Variants in ARMC2 observed in about 807,000 individuals in gnomAD.
The protein encoded by ARMC2 is armadillo repeat containing 2, also known as armadillo repeat-containing protein 2.
ARMC2 carries 67 observed loss-of-function variants against 90.3 expected under a neutral mutation model. That is an observed-to-expected ratio of 0.74 (90% CI 0.61 to 0.91). The LOEUF is 0.91. Ranked by LOEUF, ARMC2 falls within the 40% of genes least tolerant of loss-of-function variation. ARMC2 has a pLI of 0.00. For synonymous variants in ARMC2, 393 were observed against 393.0 expected (o/e 1.00, Z 0.00); for missense variants, 920 against 1,030.9 (o/e 0.89, Z 1.47).
chr6:108,993,150 T>C, the ARMC2 span: 1 of 361,746 alleles, frequency 2.8e-6, no homozygotes, highest in Non-Finnish European at 4.9e-6. Flanking sequence ...TCATAGATCC[T>C]TTCTCTCTCC....
chr6:108,886,893 TG>T (rs1240418753), intron 5 of ARMC2, among the ~76,000 whole-genome samples: 5 of 145,922 alleles, frequency 3.4e-5, no homozygotes, highest in Admixed American at 2.1e-4. Flanking sequence ...GTTTTTTTTT[TG>T]TTTGTTTGTT....
intron 4 of ARMC2, among the ~76,000 whole-genome samples, chr6:108,869,957 GAC>G (rs1265280131): frequency 6.6e-6 from 1 of 152,208 alleles, no homozygotes; most frequent in African/African-American, 2.4e-5. Flanking sequence ...CAGAATACAT[GAC>G]ACACGATAGG....
the ARMC2 span, among the ~76,000 whole-genome samples, chr6:109,039,182 AAAG>A: frequency 2.6e-5 from 4 of 152,024 alleles, no homozygotes; most frequent in East Asian, 5.8e-4. Flanking sequence ...GAAGAAGAAG[AAAG>A]AAGAGGCTCT....
the ARMC2 span, among the ~76,000 whole-genome samples, chr6:109,033,562 C>A: frequency 6.6e-6 from 1 of 152,126 alleles, no homozygotes; most frequent in African/African-American, 2.4e-5. Context: ...TAAGGTAGCA[C>A]AATTAATTAG....
the ARMC2 span, among the ~76,000 whole-genome samples, chr6:109,027,863 C>CAT: frequency 2.7e-4 from 41 of 151,938 alleles, no homozygotes; most frequent in East Asian, 1.2e-3. Flanking sequence ...CATTTAAATA[C>CAT]ATATATATAT....
chr6:108,985,740 A>G, the ARMC2 span, among the ~76,000 whole-genome samples: 2 of 152,192 alleles, frequency 1.3e-5, no homozygotes, highest in East Asian at 1.9e-4. Flanking sequence ...CAGAAATGGG[A>G]TAAGTAAAAT....
the ARMC2 span, among the ~76,000 whole-genome samples, chr6:109,011,969 A>C: frequency 6.6e-6 from 1 of 152,202 alleles, no homozygotes; most frequent in South Asian, 2.1e-4. Flanking sequence ...CATTGTGCAG[A>C]TTTAACTTTT....
Position 108,876,017 on chromosome 6 carries a change from G to C in ARMC2, c.464-126G>C, listed in dbSNP as rs918684707. 1.3e-5 allele frequency: 11 copies of C among 872,190 alleles called. No homozygotes were observed. In the East Asian group the frequency reaches 3.0e-4, roughly 24 times the overall value. 54.0% of individuals were successfully genotyped at this position (872,190 alleles called of 1,614,324 possible). A position where few individuals can be genotyped will look rare whatever the true frequency, so the allele number is the denominator to read the frequency against. Reference sequence around the variant, plus strand: ...GAAAGGCTTTGGCCATAAAATTCCAGACTTAATTATAAGCAATGTATAACT... The same window carrying C: ...GAAAGGCTTTGGCCATAAAATTCCACACTTAATTATAAGCAATGTATAACT... On this transcript the variant is annotated intron_variant, in intron 4 of 17. Coordinates refer to ENST00000392644, the MANE Select transcript of ARMC2 (RefSeq NM_032131.6).
At chr6:108,854,927 A>G (rs1325538693) in intron 2 of ARMC2, among the ~76,000 whole-genome samples, 2 of 152,156 alleles carry the variant, frequency 1.3e-5, no homozygotes, top group Non-Finnish European at 2.9e-5. Flanking sequence ...GCAACCACTG[A>G]TCTTTTTACT....
chr6:108,924,369 T>C (rs1583134618), intron 10 of ARMC2, among the ~76,000 whole-genome samples: 1 of 151,918 alleles, frequency 6.6e-6, no homozygotes, highest in East Asian at 1.9e-4. Context: ...AATACAAAAA[T>C]TAGCAGGGTG....
At chr6:108,918,705 C>T (rs1774246196) in intron 10 of ARMC2, among the ~76,000 whole-genome samples, 1 of 152,142 alleles carries the variant, frequency 6.6e-6, no homozygotes, top group Admixed American at 6.5e-5. Context: ...GACACTGAGC[C>T]CACTTTACCC....
At chr6:108,873,949 T>C (rs979458407) in intron 4 of ARMC2, among the ~76,000 whole-genome samples, 1 of 152,222 alleles carries the variant, frequency 6.6e-6, no homozygotes, top group Non-Finnish European at 1.5e-5. Flanking sequence ...TGTTTTTCTC[T>C]GTTTGTTGCC....
chr6:108,886,367 G>A (rs896495141), intron 5 of ARMC2, among the ~76,000 whole-genome samples: 4 of 152,210 alleles, frequency 2.6e-5, no homozygotes, highest in Non-Finnish European at 4.4e-5. Flanking sequence ...AGACCCGCTT[G>A]TCCAACATGG....
At chr6:108,914,406 C>G (rs1227236482) in intron 10 of ARMC2, among the ~76,000 whole-genome samples, 1 of 152,084 alleles carries the variant, frequency 6.6e-6, no homozygotes, top group Non-Finnish European at 1.5e-5. Flanking sequence ...TGTGTCCCCC[C>G]ACCTCTAGGG....
chr6:108,867,888 C>G (rs988266222), intron 3 of ARMC2, among the ~76,000 whole-genome samples: 1 of 151,992 alleles, frequency 6.6e-6, no homozygotes, highest in Non-Finnish European at 1.5e-5. Context: ...GAGCCGAGAT[C>G]GCACCATTGC....
chr6:109,029,294 G>A, the ARMC2 span, among the ~76,000 whole-genome samples: 21 of 152,250 alleles, frequency 1.4e-4, no homozygotes, highest in African/African-American at 5.1e-4. Flanking sequence ...TAGAAATCAC[G>A]GGTTAAAACA....
At chr6:108,998,846 G>T in the ARMC2 span, 1 of 1,399,074 alleles carries the variant, frequency 7.1e-7, no homozygotes, top group Non-Finnish European at 9.6e-7. Flanking sequence ...TTGAAAACAT[G>T]AGTCATCATA....
At chr6:108,934,826 A>G (rs1244467019) in intron 11 of ARMC2, among the ~76,000 whole-genome samples, 1 of 152,160 alleles carries the variant, frequency 6.6e-6, no homozygotes, top group Non-Finnish European at 1.5e-5. Context: ...TCTCTGTTTT[A>G]TCTCTAATTA....
At chr6:109,028,474 T>TTA in the ARMC2 span, among the ~76,000 whole-genome samples, 65 of 152,146 alleles carry the variant, frequency 4.3e-4, no homozygotes, top group African/African-American at 1.5e-3. Context: ...TGCATGTATG[T>TTA]ATGTTAAATT....
Sources: allele counts gnomAD v4.1 joint callset (sites outside exome capture counted in the v4.1 genomes callset), GRCh38; gene constraint gnomAD v4.1.1; transcripts MANE v1.5; gene names NCBI Gene and HGNC (gene_info 2026-07-23, HGNC 2026-07-21).